HCN1: variants seen among roughly 807,000 people sequenced by gnomAD.
The protein encoded by HCN1 is potassium/sodium hyperpolarization-activated cyclic nucleotide-gated channel 1.
In HCN1, 13 loss-of-function variants were observed where a neutral mutation model predicts 78.9. That is an observed-to-expected ratio of 0.16 (90% confidence interval 0.11 to 0.26). The LOEUF (loss-of-function observed/expected upper bound fraction) is 0.26, where lower values mean the gene tolerates loss of function less well. Ranked by LOEUF, HCN1 falls within the 10% of genes least tolerant of loss-of-function variation. HCN1 has a pLI of 1.00. For synonymous variants in HCN1, 552 were observed against 455.5 expected, an observed-to-expected ratio of 1.21 and a Z score of -2.70; for missense variants, 810 against 1,154.3, an observed-to-expected ratio of 0.70 and a Z score of 4.32.
intron 2 of HCN1, among the ~76,000 whole-genome samples, chr5:45,612,733 AAAAGT>A (rs1338953711): frequency 1.3e-5 from 2 of 152,182 alleles, no homozygotes; most frequent in African/African-American, 4.8e-5. Context: ...GATGTCACTG[AAAAGT>A]ATAGTAGCCA....
intron 2 of HCN1, among the ~76,000 whole-genome samples, chr5:45,550,402 A>C (rs1743340934): frequency 6.6e-6 from 1 of 152,182 alleles, no homozygotes; most frequent in Non-Finnish European, 1.5e-5. Context: ...AAGGACAAGA[A>C]ACCAAACACC....
At chr5:45,389,001 T>G (rs1747984322) in intron 4 of HCN1, among the ~76,000 whole-genome samples, 1 of 152,128 alleles carries the variant, frequency 6.6e-6, no homozygotes, top group Non-Finnish European at 1.5e-5. Context: ...TTATACACAC[T>G]GTTGATTAAC....
chr5:45,350,067 A>T (rs1025202675), intron 5 of HCN1, among the ~76,000 whole-genome samples: 1 of 152,114 alleles, frequency 6.6e-6, no homozygotes, highest in Admixed American at 6.5e-5. Context: ...CAGACACACA[A>T]CCAAAAAAAA....
intron 2 of HCN1, among the ~76,000 whole-genome samples, chr5:45,533,660 T>C (rs764499076): frequency 1.3e-5 from 2 of 152,164 alleles, no homozygotes; most frequent in African/African-American, 2.4e-5. Flanking sequence ...GAATGGCCCA[T>C]AGCTATACCA....
chr5:45,592,894 G>A (rs1262395773), intron 2 of HCN1, among the ~76,000 whole-genome samples: 1 of 152,068 alleles, frequency 6.6e-6, no homozygotes, highest in Non-Finnish European at 1.5e-5. Context: ...ACTTCACTTA[G>A]GAAATGTGAG....
At chr5:45,581,744 T>A (rs567594706) in intron 2 of HCN1, among the ~76,000 whole-genome samples, 20 of 152,268 alleles carry the variant, frequency 1.3e-4, no homozygotes, top group African/African-American at 4.1e-4. Flanking sequence ...CATATGACTA[T>A]CCAGTTTTCC....
chr5:45,478,823 T>C lies in HCN1; in HGVS notation c.850-16816A>G, dbSNP rs565939011. Among the ~76,000 whole-genome samples the C allele has an allele frequency of 1.2e-4, 19 of 152,030 alleles. No individual in the cohort carries two copies. The East Asian group carries it at 3.7e-3, about 29-fold the overall frequency. On this transcript the variant is annotated intron_variant, in intron 2 of 7. Transcript: ENST00000303230. ...AACAATGAGGAATAAGTAAAAGTAA[T>C]AAAGAATAAGCTGAAGAAGGCAGGG... is the stretch of plus-strand genomic sequence containing the variant.
At chr5:45,686,373 A>C (rs1331882070) in intron 1 of HCN1, among the ~76,000 whole-genome samples, 1 of 152,150 alleles carries the variant, frequency 6.6e-6, no homozygotes, top group Non-Finnish European at 1.5e-5. Context: ...TTCATATTTC[A>C]AAGACAAATT....
chr5:45,581,332 CTGTT>C (rs1459971770), intron 2 of HCN1, among the ~76,000 whole-genome samples: 6 of 151,834 alleles, frequency 4.0e-5, no homozygotes, highest in African/African-American at 1.2e-4. Context: ...TGAGAAGTGT[CTGTT>C]TGTATCCTTC....
chr5:45,335,612 A>G (rs936183598), intron 5 of HCN1, among the ~76,000 whole-genome samples: 11 of 152,054 alleles, frequency 7.2e-5, no homozygotes, highest in African/African-American at 2.7e-4. Context: ...ATAACTACAT[A>G]CAATTAGTTA....
intron 2 of HCN1, among the ~76,000 whole-genome samples, chr5:45,505,020 A>G (rs1441411075): frequency 2.6e-5 from 4 of 152,112 alleles, no homozygotes; most frequent in South Asian, 4.2e-4. Flanking sequence ...AGATGAGTAG[A>G]TTGCAAAAAT....
At chr5:45,502,456 C>A (rs1463877117) in intron 2 of HCN1, among the ~76,000 whole-genome samples, 1 of 152,112 alleles carries the variant, frequency 6.6e-6, no homozygotes, top group African/African-American at 2.4e-5. Flanking sequence ...CGAATTCCAA[C>A]TATTGGGATC....
chr5:45,483,984 T>C (rs1030140242), intron 2 of HCN1, among the ~76,000 whole-genome samples: 1 of 152,182 alleles, frequency 6.6e-6, no homozygotes, highest in Non-Finnish European at 1.5e-5. Context: ...TATGTGCCTG[T>C]TTTTGTACCA....
intron 3 of HCN1, among the ~76,000 whole-genome samples, chr5:45,448,446 T>C (rs1368653987): frequency 6.6e-6 from 1 of 152,220 alleles, no homozygotes; most frequent in Admixed American, 6.5e-5. Flanking sequence ...ATGGAGGGTT[T>C]ATTCACTTCC....
intron 4 of HCN1, among the ~76,000 whole-genome samples, chr5:45,364,649 A>G (rs571658176): frequency 6.6e-6 from 1 of 152,172 alleles, no homozygotes; most frequent in African/African-American, 2.4e-5. Flanking sequence ...AACGTATTTT[A>G]CTTTAAATTT....
chr5:45,259,317 A>G lies in HCN1; in HGVS notation c.*2604T>C, dbSNP rs1470979936. The G allele has an allele frequency of 9.2e-5, 14 of 152,314 alleles. No homozygotes were observed. Among genetic ancestry groups the G allele is most frequent in the Non-Finnish European group, 1.5e-5 (1 of 67,874 alleles). The allele number at this position is 152,314 out of a possible 1,614,324, so 9.4% of individuals were successfully genotyped here. ...TTTATATATGTATGGCTTTGAGCAA[A>G]GACAAAAGAAATACTCTAACTCATC... On this transcript the variant is annotated 3_prime_UTR_variant, in exon 8 of 8. Coordinates refer to ENST00000303230, the MANE Select transcript of HCN1 (RefSeq NM_021072.4).
chr5:45,386,528 C>T (rs1456576756), intron 4 of HCN1, among the ~76,000 whole-genome samples: 1 of 152,086 alleles, frequency 6.6e-6, no homozygotes, highest in Non-Finnish European at 1.5e-5. Context: ...CTTTTAGCAG[C>T]TCTGCATCTA....
chr5:45,317,320 G>T (rs1181061104), intron 5 of HCN1, among the ~76,000 whole-genome samples: 2 of 152,176 alleles, frequency 1.3e-5, no homozygotes, highest in Admixed American at 1.3e-4. Context: ...TTGGGGAAAG[G>T]ATTCCCTATT....
At chr5:45,270,111 T>C (rs1362588083) in intron 6 of HCN1, among the ~76,000 whole-genome samples, 1 of 152,238 alleles carries the variant, frequency 6.6e-6, no homozygotes, top group Non-Finnish European at 1.5e-5. Context: ...TACTTTTGTT[T>C]TCCTTGGCCT....
Sources: allele counts gnomAD v4.1 joint callset (sites outside exome capture counted in the v4.1 genomes callset), GRCh38; gene constraint gnomAD v4.1.1; transcripts MANE v1.5; gene names NCBI Gene and HGNC (gene_info 2026-07-23, HGNC 2026-07-21).